The following EDNRA variants were observed in gnomAD, a reference collection of about 807,000 sequenced individuals.
EDNRA encodes endothelin receptor type A.
A neutral mutation model predicts 41.4 loss-of-function variants in EDNRA; 11 were observed. That is an observed-to-expected ratio of 0.27 (90% CI 0.17 to 0.44). The LOEUF is 0.44. Among genes scored for constraint, EDNRA ranks in the 20% least tolerant of loss-of-function variants. The pLI, the probability that EDNRA is intolerant of heterozygous loss-of-function variation, is 1.00. For missense variants in EDNRA, 294 were observed against 531.0 expected (o/e 0.55, Z 4.39); for synonymous variants, 172 against 183.0 (o/e 0.94, Z 0.49).
intron 3 of EDNRA, among the ~76,000 whole-genome samples, chr4:147,528,038 A>G (rs1237279528): frequency 6.6e-6 from 1 of 152,206 alleles, no homozygotes; most frequent in Non-Finnish European, 1.5e-5. Context: ...AAATAGGAAA[A>G]TGATCAGAAT....
rs1288564904 is a variant in EDNRA, at chr4:147,544,554, C to T, written c.*1936C>T. 1 of 152,518 alleles carries T rather than the reference C, an allele frequency of 6.6e-6. No individual in the cohort carries two copies. The highest frequency in any genetic ancestry group is 2.4e-5 in the African/African-American group (1 of 41,428). 9.4% of individuals were successfully genotyped at this position (152,518 alleles called of 1,614,324 possible). On this transcript the variant is annotated 3_prime_UTR_variant, in exon 8 of 8. Transcript: ENST00000651419. ...GGACAGGTAAAATAACATCAGGTTC[C>T]AGTTGCTTGAATTGCAAGGCTAAGA...
intron 2 of EDNRA, among the ~76,000 whole-genome samples, chr4:147,497,445 C>CTGTA (rs1270643951): frequency 6.6e-6 from 1 of 152,132 alleles, no homozygotes; most frequent in Non-Finnish European, 1.5e-5. Context: ...GACTAAGTAC[C>CTGTA]TGTAGAAAAC....
chr4:147,511,103 C>T (rs1371471132), intron 2 of EDNRA, among the ~76,000 whole-genome samples: 2 of 152,156 alleles, frequency 1.3e-5, no homozygotes, highest in Non-Finnish European at 2.9e-5. Context: ...TCCATCCTTC[C>T]ATCTCTGCAT....
Position 147,506,854 on chromosome 4 carries a change from G to A in EDNRA, c.421-12997G>A, listed in dbSNP as rs185795920. 190 of 162,544 alleles carry A rather than the reference G, an allele frequency of 1.2e-3. 6 individuals are homozygous for A. In the South Asian group the frequency reaches 0.027, roughly 23 times the overall value. 10.1% of individuals were successfully genotyped at this position (162,544 alleles called of 1,614,324 possible). A position where few individuals can be genotyped will look rare whatever the true frequency, so the allele number is the denominator to read the frequency against. ...GAAGGCTTGAACACCGTATGTTAAT[G>A]GGGGCTAAGTGGCAATACTTTCCTT... On this transcript the variant is annotated intron_variant, in intron 2 of 7. Transcript: ENST00000651419.
intron 2 of EDNRA, among the ~76,000 whole-genome samples, chr4:147,515,214 G>T (rs1040957630): frequency 6.6e-6 from 1 of 152,178 alleles, no homozygotes; most frequent in African/African-American, 2.4e-5. Flanking sequence ...ATATTTGGGT[G>T]GGGGGATGAT....
At chr4:147,498,238 T>G (rs1037480316) in intron 2 of EDNRA, among the ~76,000 whole-genome samples, 2 of 152,216 alleles carry the variant, frequency 1.3e-5, no homozygotes, top group African/African-American at 4.8e-5. Context: ...AGTTTAAATG[T>G]GAGTCATTGA....
At chr4:147,525,659 G>A (rs984597238) in intron 3 of EDNRA, among the ~76,000 whole-genome samples, 5 of 149,942 alleles carry the variant, frequency 3.3e-5, no homozygotes, top group African/African-American at 4.9e-5. Context: ...TTGCAAAATC[G>A]TGTTAAAGTG....
At chr4:147,491,537 C>T (rs1229055853) in intron 2 of EDNRA, 3 of 152,060 alleles carry the variant, frequency 2.0e-5, no homozygotes, top group Non-Finnish European at 4.4e-5. Context: ...TCAGATTAAT[C>T]TGAGATATTC....
At chr4:147,505,842 G>A (rs1464869020) in intron 2 of EDNRA, among the ~76,000 whole-genome samples, 1 of 151,860 alleles carries the variant, frequency 6.6e-6, no homozygotes, top group African/African-American at 2.4e-5. Context: ...TAGAGACGGG[G>A]TTTCACCGTG....
At chr4:147,517,154 A>G (rs754479039) in intron 2 of EDNRA, among the ~76,000 whole-genome samples, 37 of 152,308 alleles carry the variant, frequency 2.4e-4, no homozygotes, top group Middle Eastern at 6.8e-3. Context: ...CTTAATTTTT[A>G]CCATCTTATG....
chr4:147,490,274 T>A (rs1002933428), intron 2 of EDNRA: 2 of 152,132 alleles, frequency 1.3e-5, no homozygotes, highest in Non-Finnish European at 2.9e-5. Context: ...GCCAGTTGCC[T>A]TCTTGGTTTT....
chr4:147,542,297 G>T (rs1410780433), intron 7 of EDNRA, among the ~76,000 whole-genome samples, 181 bp from the exon 8 acceptor site: 1 of 152,190 alleles, frequency 6.6e-6, no homozygotes, highest in Non-Finnish European at 1.5e-5. Context: ...CTCTGCACTG[G>T]AATGGACAGT....
chr4:147,481,109 G>A lies in EDNRA; in HGVS notation c.-338G>A, dbSNP rs1728734057. 6.6e-6 allele frequency: 1 copy of A among 152,300 alleles called. No individual in the cohort carries two copies. Among genetic ancestry groups the A allele is most frequent in the Admixed American group, 6.5e-5 (1 of 15,286 alleles). 9.4% of individuals were successfully genotyped at this position (152,300 alleles called of 1,614,324 possible). ...CGCGCGCGCGTACAGTCATCCCGCT[G>A]GTCTGACGATTGTGGAGAGGCGGTG... On this transcript the variant is annotated 5_prime_UTR_variant, in exon 1 of 8. Coordinates refer to ENST00000651419, the MANE Select transcript of EDNRA (RefSeq NM_001957.4).
intron 2 of EDNRA, among the ~76,000 whole-genome samples, chr4:147,515,305 C>T (rs1014891674): frequency 2.6e-5 from 4 of 152,182 alleles, no homozygotes; most frequent in African/African-American, 7.2e-5. Context: ...GCGAGTAGCA[C>T]ACCCACCCCC....
chr4:147,513,198 C>T (rs935793806), intron 2 of EDNRA, among the ~76,000 whole-genome samples: 6 of 152,140 alleles, frequency 3.9e-5, no homozygotes, highest in African/African-American at 1.4e-4. Context: ...GCTTCTCCAT[C>T]CCCCCAGCTC....
intron 2 of EDNRA, among the ~76,000 whole-genome samples, chr4:147,513,465 G>A (rs1413290972): frequency 4.6e-5 from 7 of 152,162 alleles, no homozygotes; most frequent in African/African-American, 7.2e-5. Flanking sequence ...GACTTATTTC[G>A]TAGTATCTGC....
chr4:147,518,641 G>T (rs574889187), intron 2 of EDNRA, among the ~76,000 whole-genome samples: 1 of 151,908 alleles, frequency 6.6e-6, no homozygotes, highest in African/African-American at 2.4e-5. Context: ...CAAAGGACTC[G>T]TGTTATGGAT....
intron 2 of EDNRA, among the ~76,000 whole-genome samples, chr4:147,501,473 A>G (rs6848108): frequency 0.38 from 57,875 of 152,086 alleles, 11,768 homozygotes; most frequent in African/African-American, 0.54. Flanking sequence ...GTACACATTG[A>G]GAAGTCTTCC....
intron 2 of EDNRA, among the ~76,000 whole-genome samples, chr4:147,514,795 A>T (rs1227928807): frequency 6.6e-6 from 1 of 152,060 alleles, no homozygotes; most frequent in Non-Finnish European, 1.5e-5. Context: ...ATTTCTTGTG[A>T]CTATATTTTA....
Sources: gnomAD v4.1 joint callset for allele counts (sites outside exome capture counted in the v4.1 genomes callset) on GRCh38, gnomAD v4.1.1 for gene constraint, MANE v1.5 for transcripts, NCBI Gene and HGNC (gene_info 2026-07-23, HGNC 2026-07-21) for gene names.